Variants in RHEB observed in about 807,000 individuals in gnomAD.
RHEB encodes the protein GTP-binding protein Rheb.
RHEB carries 2 observed loss-of-function variants against 28.8 expected under a neutral mutation model. The observed-to-expected ratio is 0.07, with a 90% CI of 0.03 to 0.22. RHEB has a LOEUF of 0.22. Ranked by LOEUF, RHEB falls within the 10% of genes least tolerant of loss-of-function variation. RHEB has a pLI of 1.00. For missense variants in RHEB, 76 were observed against 219.9 expected, an observed-to-expected ratio of 0.35 and a Z score of 4.14; for synonymous variants, 69 against 77.3, an observed-to-expected ratio of 0.89 and a Z score of 0.56.
At chr7:151,501,725 G>A (rs191379608) in intron 1 of RHEB, among the ~76,000 whole-genome samples, 18 of 152,320 alleles carry the variant, frequency 1.2e-4, no homozygotes, top group Admixed American at 9.8e-4. Context: ...AACCCATCCC[G>A]CAGCCTTGTG....
chr7:151,476,477 C>T (rs1008966644), intron 4 of RHEB, among the ~76,000 whole-genome samples: 32 of 152,204 alleles, frequency 2.1e-4, no homozygotes, highest in Admixed American at 4.6e-4. Flanking sequence ...GGCTATGAAT[C>T]CCAGCAATGT....
chr7:151,499,425 G>A (rs886773173), intron 1 of RHEB, among the ~76,000 whole-genome samples: 1 of 152,116 alleles, frequency 6.6e-6, no homozygotes, highest in Non-Finnish European at 1.5e-5. Context: ...CAGGAGAGTG[G>A]GTAAAGGTTT....
At chr7:151,514,357 A>G (rs528058261) in intron 1 of RHEB, among the ~76,000 whole-genome samples, 1 of 152,340 alleles carries the variant, frequency 6.6e-6, no homozygotes, top group East Asian at 1.9e-4. Context: ...AAGTGGCAGG[A>G]GAAAAATAGA....
At chr7:151,486,293 T>C (rs910096784) in intron 2 of RHEB, among the ~76,000 whole-genome samples, 2 of 152,224 alleles carry the variant, frequency 1.3e-5, no homozygotes, top group Admixed American at 1.3e-4. Context: ...ATGACAAGGT[T>C]ACTGAAAGGA....
intron 1 of RHEB, among the ~76,000 whole-genome samples, chr7:151,504,867 CA>C (rs554648802): frequency 1.6e-3 from 223 of 138,186 alleles, no homozygotes; most frequent in Admixed American, 1.5e-3. Flanking sequence ...AATGCTACCT[CA>C]AAAAAAAAAA....
At chr7:151,495,642 G>A (rs1344126572) in intron 1 of RHEB, among the ~76,000 whole-genome samples, 1 of 152,108 alleles carries the variant, frequency 6.6e-6, no homozygotes, top group East Asian at 1.9e-4. Flanking sequence ...TTGTTATCAT[G>A]CTTATTCTCC....
intron 3 of RHEB, 37 bp downstream of exon 3, chr7:151,484,700 T>C (rs753572774): frequency 7.0e-6 from 10 of 1,421,904 alleles, no homozygotes; most frequent in Admixed American, 3.4e-5. Flanking sequence ...CTGTCAGATA[T>C]GCTGTATAAG....
chr7:151,496,141 A>G (rs962099292), intron 1 of RHEB, among the ~76,000 whole-genome samples: 4 of 152,162 alleles, frequency 2.6e-5, no homozygotes, highest in Non-Finnish European at 5.9e-5. Context: ...CAAATTCACA[A>G]CATAACTTTA....
intron 3 of RHEB, among the ~76,000 whole-genome samples, chr7:151,480,582 G>T (rs955684399): frequency 6.6e-6 from 1 of 151,840 alleles, no homozygotes; most frequent in Non-Finnish European, 1.5e-5. Flanking sequence ...TGTACCATGC[G>T]CATTACACCT....
At chr7:151,484,637 A>C in intron 3 of RHEB, 100 bp downstream of exon 3, 1 of 838,190 alleles carries the variant, frequency 1.2e-6, no homozygotes, top group Non-Finnish European at 2.0e-6. Context: ...ACACAACCTG[A>C]GGGGTTTTCT....
At chr7:151,507,644 A>AC in intron 1 of RHEB, among the ~76,000 whole-genome samples, 1 of 152,234 alleles carries the variant, frequency 6.6e-6, no homozygotes, top group East Asian at 1.9e-4. Flanking sequence ...GTTCTTTCTC[A>AC]CACCCCTTCC....
At chr7:151,498,276 A>ATG in intron 1 of RHEB, 2 of 560,804 alleles carry the variant, frequency 3.6e-6, no homozygotes, top group Non-Finnish European at 6.1e-6. Flanking sequence ...GGAAACATCA[A>ATG]TGAAAGAAAT....
At chr7:151,504,013 G>A (rs752005044) in intron 1 of RHEB, among the ~76,000 whole-genome samples, 1 of 151,314 alleles carries the variant, frequency 6.6e-6, no homozygotes, top group East Asian at 1.9e-4. Context: ...GAAAGGGTGA[G>A]CTAATAGGAG....
chr7:151,497,075 G>A (rs1324870191), intron 1 of RHEB, among the ~76,000 whole-genome samples: 2 of 151,530 alleles, frequency 1.3e-5, no homozygotes, highest in Non-Finnish European at 2.9e-5. Flanking sequence ...GGTATGAGCC[G>A]CCGCACCCAG....
chr7:151,506,465 CT>C (rs1379875326), intron 1 of RHEB, among the ~76,000 whole-genome samples: 1 of 152,040 alleles, frequency 6.6e-6, no homozygotes, highest in Non-Finnish European at 1.5e-5. Context: ...GGTACCTATC[CT>C]ATAACGTGCT....
At chr7:151,505,385 C>T (rs1286923473) in intron 1 of RHEB, among the ~76,000 whole-genome samples, 1 of 152,104 alleles carries the variant, frequency 6.6e-6, no homozygotes, top group Non-Finnish European at 1.5e-5. Flanking sequence ...CCAAGATATC[C>T]AAATTTCCAG....
At chr7:151,498,448 C>T (rs76857464) in intron 1 of RHEB, among the ~76,000 whole-genome samples, 2 of 152,112 alleles carry the variant, frequency 1.3e-5, no homozygotes, top group Admixed American at 6.6e-5. Flanking sequence ...GAGACCCCCC[C>T]AGTCTCTATA....
chr7:151,519,418 C>T, intron 1 of RHEB, 42 bp downstream of exon 1: 1 of 1,356,632 alleles, frequency 7.4e-7, no homozygotes, highest in Non-Finnish European at 9.6e-7. Context: ...CCAGGCGAGG[C>T]CCCGGCGGCG....
chr7:151,485,799 ACAAG>A (rs1365760675), intron 2 of RHEB, among the ~76,000 whole-genome samples: 1 of 152,232 alleles, frequency 6.6e-6, no homozygotes, highest in East Asian at 1.9e-4. Context: ...TGGCTGAAAG[ACAAG>A]CAATCATCAC....
Sources: allele counts gnomAD v4.1 joint callset (sites outside exome capture counted in the v4.1 genomes callset), GRCh38; gene constraint gnomAD v4.1.1; transcripts MANE v1.5; gene names NCBI Gene and HGNC (gene_info 2026-07-23, HGNC 2026-07-21).